Variants in TECRL observed in about 807,000 individuals in gnomAD.
TECRL encodes trans-2,3-enoyl-CoA reductase like, also known as trans-2,3-enoyl-CoA reductase-like.
Under a neutral mutation model 52.8 loss-of-function variants are expected in TECRL, and 63 were observed. That is an observed-to-expected ratio of 1.19 (90% CI 0.97 to 1.47). The LOEUF is 1.47. TECRL is among the 40% of genes most tolerant of loss of function. The pLI, the probability that TECRL is intolerant of heterozygous loss-of-function variation, is 0.00. For missense variants in TECRL, 482 were observed against 429.6 expected (o/e 1.12, Z -1.08); for synonymous variants, 164 against 141.9 (o/e 1.16, Z -1.10).
intron 6 of TECRL, among the ~76,000 whole-genome samples, chr4:64,308,480 G>C (rs1336239162): frequency 6.6e-6 from 1 of 152,136 alleles, no homozygotes; most frequent in Non-Finnish European, 1.5e-5. Flanking sequence ...ACCCCAGGGG[G>C]ATCTCTACCC....
chr4:64,373,570 C>CT lies in TECRL; in HGVS notation c.286+1601dup, dbSNP rs546443605. On this transcript the variant is annotated intron_variant, in intron 2 of 11. Coordinates refer to ENST00000381210, the MANE Select transcript of TECRL (RefSeq NM_001010874.5). ...GACATAAATTATTATAAAAATAATA[C>CT]TTTTTTGTCAGGGTGACTGCACATT... Among the ~76,000 whole-genome samples the CT allele has an allele frequency of 4.2e-4, 64 of 151,076 alleles. 2 individuals carry two copies. Among genetic ancestry groups the CT allele is most frequent in the Admixed American group, 2.2e-3 (33 of 15,212 alleles).
At chr4:64,384,845 A>G (rs1276212096) in intron 1 of TECRL, among the ~76,000 whole-genome samples, 2 of 152,172 alleles carry the variant, frequency 1.3e-5, no homozygotes, top group African/African-American at 2.4e-5. Flanking sequence ...TAATGTGCAC[A>G]GACACTGGAA....
chr4:64,292,378 A>T (rs982968409), intron 8 of TECRL, among the ~76,000 whole-genome samples: 1 of 151,964 alleles, frequency 6.6e-6, no homozygotes, highest in Admixed American at 6.6e-5. Flanking sequence ...AAAACATGAG[A>T]TGCTACGTAT....
At chr4:64,375,310 T>A in intron 1 of TECRL, 87 bp from the exon 2 acceptor site, 1 of 642,910 alleles carries the variant, frequency 1.6e-6, no homozygotes. Flanking sequence ...AAATATATCA[T>A]AAAATTCTTA....
At chr4:64,320,186 GT>G (rs1560496748) in intron 4 of TECRL, among the ~76,000 whole-genome samples, 2 of 151,708 alleles carry the variant, frequency 1.3e-5, no homozygotes, top group Non-Finnish European at 3.0e-5. Context: ...TTTATCCTAA[GT>G]TTTTTAGTAA....
chr4:64,409,334 C>T lies in TECRL; in HGVS notation c.18G>A (p.Lys6=). 1 of 1,613,356 alleles carries T rather than the reference C, an allele frequency of 6.2e-7. No individual in the cohort carries two copies. The highest frequency in any genetic ancestry group is 1.1e-5 in the South Asian group (1 of 91,040). The part of the protein sequence containing the change: MFKRH[K]SLASERKRAL... ...CTCTCTTGCGTTCCGAAGCGAGGGA[C>T]TTGTGCCTTTTGAACATTGTGTGAA... The change falls in exon 1 of 12, where the codon AAG becomes AAA. Residue 6 remains lysine, a synonymous_variant. Coordinates refer to ENST00000381210, the MANE Select transcript of TECRL (RefSeq NM_001010874.5).
intron 2 of TECRL, among the ~76,000 whole-genome samples, chr4:64,332,222 A>T (rs1718689887): frequency 6.6e-6 from 1 of 152,160 alleles, no homozygotes; most frequent in Admixed American, 6.5e-5. Context: ...GACAAAAATC[A>T]AACTTTATGC....
At chr4:64,295,277 A>T (rs1723615719) in intron 8 of TECRL, among the ~76,000 whole-genome samples, 1 of 151,318 alleles carries the variant, frequency 6.6e-6, no homozygotes, top group African/African-American at 2.4e-5. Flanking sequence ...ATATTATTAC[A>T]TAATGTGAAA....
intron 2 of TECRL, among the ~76,000 whole-genome samples, chr4:64,358,634 T>C (rs1005492181): frequency 1.3e-5 from 2 of 151,700 alleles, no homozygotes; most frequent in African/African-American, 4.8e-5. Flanking sequence ...GGTATATATA[T>C]CTTATTATAT....
intron 8 of TECRL, among the ~76,000 whole-genome samples, chr4:64,294,328 G>A (rs901593618): frequency 2.6e-5 from 4 of 152,028 alleles, no homozygotes; most frequent in Non-Finnish European, 1.5e-5. Flanking sequence ...GGAGCAATAA[G>A]TAATAGTCAT....
At chr4:64,319,401 T>C (rs1349433321) in intron 4 of TECRL, among the ~76,000 whole-genome samples, 1 of 151,812 alleles carries the variant, frequency 6.6e-6, no homozygotes, top group East Asian at 1.9e-4. Flanking sequence ...GTTGAAGGAT[T>C]CTTATATATG....
At chr4:64,385,437 C>T (rs915894870) in intron 1 of TECRL, among the ~76,000 whole-genome samples, 1 of 152,106 alleles carries the variant, frequency 6.6e-6, no homozygotes, top group Non-Finnish European at 1.5e-5. Context: ...GGAGTGTGTA[C>T]TTTAACTCTC....
chr4:64,345,848 T>A (rs1719916747), intron 2 of TECRL, among the ~76,000 whole-genome samples: 1 of 136,562 alleles, frequency 7.3e-6, no homozygotes. Context: ...TGACTACACA[T>A]TGTAACATCT....
chr4:64,297,328 C>T (rs1723744529), intron 8 of TECRL, among the ~76,000 whole-genome samples: 1 of 151,236 alleles, frequency 6.6e-6, no homozygotes, highest in Admixed American at 6.6e-5. Flanking sequence ...TCTGATTTTA[C>T]ATAACGACAG....
At chr4:64,316,246 C>T (rs905747404) in intron 4 of TECRL, among the ~76,000 whole-genome samples, 7 of 152,124 alleles carry the variant, frequency 4.6e-5, no homozygotes, top group African/African-American at 1.4e-4. Flanking sequence ...AAAATGCTAA[C>T]ACAGATCTGA....
intron 1 of TECRL, among the ~76,000 whole-genome samples, chr4:64,382,926 T>A (rs1722922008): frequency 6.6e-6 from 1 of 152,172 alleles, no homozygotes; most frequent in Non-Finnish European, 1.5e-5. Flanking sequence ...ATTATCCTTT[T>A]GCTTTCAGAT....
chr4:64,366,631 C>A (rs1356099669), intron 2 of TECRL, among the ~76,000 whole-genome samples: 1 of 151,750 alleles, frequency 6.6e-6, no homozygotes, highest in Non-Finnish European at 1.5e-5. Flanking sequence ...AAAGATGATA[C>A]ACATGCATAT....
In TECRL at chr4:64,350,917, C is replaced by T. The variant is rs994542872; in HGVS notation, c.287-22361G>A. Reference sequence around the variant, plus strand: ...ATAGAAATCAGTGATTTTAACTAATCAGTTTCAATAGTTAACCTTTTAAGC... The same window carrying T: ...ATAGAAATCAGTGATTTTAACTAATTAGTTTCAATAGTTAACCTTTTAAGC... On this transcript the variant is annotated intron_variant, in intron 2 of 11. Transcript: ENST00000381210. Among the ~76,000 whole-genome samples, 5 of 150,172 alleles carry T rather than the reference C, an allele frequency of 3.3e-5. No homozygotes were observed. In the Admixed American group the frequency reaches 3.4e-4, roughly 10 times the overall value.
intron 1 of TECRL, among the ~76,000 whole-genome samples, chr4:64,401,518 G>T (rs991784414): frequency 1.3e-5 from 2 of 152,078 alleles, no homozygotes; most frequent in African/African-American, 2.4e-5. Flanking sequence ...TTACATAAAA[G>T]AATTATTTCC....
Sources: allele counts gnomAD v4.1 joint callset (sites outside exome capture counted in the v4.1 genomes callset), GRCh38; gene constraint gnomAD v4.1.1; transcripts MANE v1.5; gene names NCBI Gene and HGNC (gene_info 2026-07-23, HGNC 2026-07-21).